The following MTSS1 variants were observed in gnomAD, a reference collection of about 807,000 sequenced individuals.
MTSS1 encodes the protein MTSS I-BAR domain containing 1, also known as protein MTSS 1.
MTSS1 carries 18 observed loss-of-function variants against 79.0 expected under a neutral mutation model. The ratio of observed to expected loss-of-function variants is 0.23; its 90% CI spans 0.16 to 0.34. The LOEUF (loss-of-function observed/expected upper bound fraction) is 0.34, where lower values mean the gene tolerates loss of function less well. Ranked by LOEUF, MTSS1 falls within the 10% of genes least tolerant of loss-of-function variation. The pLI, the probability that MTSS1 is intolerant of heterozygous loss-of-function variation, is 1.00. For synonymous variants in MTSS1, 341 were observed against 368.6 expected (o/e 0.93, Z 0.86); for missense variants, 815 against 986.2 (o/e 0.83, Z 2.33).
At chr8:124,677,510 C>T (rs1825501803) in intron 3 of MTSS1, among the ~76,000 whole-genome samples, 1 of 152,204 alleles carries the variant, frequency 6.6e-6, no homozygotes, top group South Asian at 2.1e-4. Flanking sequence ...GAAATTCATA[C>T]CATTTTTGCA....
chr8:124,637,330 G>C (rs1263206601), intron 3 of MTSS1, among the ~76,000 whole-genome samples: 2 of 152,238 alleles, frequency 1.3e-5, no homozygotes, highest in Non-Finnish European at 2.9e-5. Context: ...GGGAGACAGA[G>C]TCAGGGGAGT....
intron 3 of MTSS1, among the ~76,000 whole-genome samples, chr8:124,664,660 C>T (rs1822721482): frequency 6.6e-6 from 1 of 152,188 alleles, no homozygotes; most frequent in South Asian, 2.1e-4. Context: ...CAGGAGACCC[C>T]TCTACTCTAA....
intron 6 of MTSS1, 149 bp from the exon 7 acceptor site, chr8:124,568,685 G>GTTC: frequency 6.8e-7 from 1 of 1,479,472 alleles, no homozygotes. Context: ...AGGATTTAAG[G>GTTC]CAGCTGTTTT....
At chr8:124,608,438 C>T (rs1747042159) in intron 3 of MTSS1, among the ~76,000 whole-genome samples, 1 of 152,192 alleles carries the variant, frequency 6.6e-6, no homozygotes, top group Non-Finnish European at 1.5e-5. Context: ...CCAGCAATAT[C>T]ATGGCCTCGC....
rs2131740143 is a variant in MTSS1, at chr8:124,555,603, A to C, written c.1567+139T>G. 1.8e-6 allele frequency: 2 copies of C among 1,115,436 alleles called. 1 individual carries two copies. Among genetic ancestry groups the C allele is most frequent in the African/African-American group, 3.2e-5 (2 of 63,196 alleles). The allele number at this position is 1,115,436 out of a possible 1,614,324, so 69.1% of individuals were successfully genotyped here. A position where few individuals can be genotyped will look rare whatever the true frequency, so the allele number is the denominator to read the frequency against. On this transcript the variant is annotated intron_variant, in intron 13 of 13. Coordinates refer to ENST00000518547, the MANE Select transcript of MTSS1 (RefSeq NM_014751.6). ...CAACTACAGATGAGCTCCCCAAAGC[A>C]TTCCCAGATGACGAAAACAATCCTG...
chr8:124,563,639 C>T (rs1293454215), intron 9 of MTSS1, among the ~76,000 whole-genome samples: 1 of 152,218 alleles, frequency 6.6e-6, no homozygotes, highest in Non-Finnish European at 1.5e-5. Context: ...AATGTTTTTA[C>T]TCTGACCCCA....
At chr8:124,658,630 A>T (rs1027108466) in intron 3 of MTSS1, among the ~76,000 whole-genome samples, 1 of 152,184 alleles carries the variant, frequency 6.6e-6, no homozygotes, top group Non-Finnish European at 1.5e-5. Flanking sequence ...GAATGCAAAG[A>T]GGGAGCTAGG....
chr8:124,607,450 T>C lies in MTSS1; in HGVS notation c.209-16215A>G, dbSNP rs147968893. The stretch of plus-strand genomic sequence containing the variant: ...CCCAGATGGTTTCTGAATGAGTGTC[T>C]GGATGGTTTCTGATCTAAACAGAGT... On this transcript the variant is annotated intron_variant, in intron 3 of 13. Transcript: ENST00000518547. 1.2e-3 allele frequency among the ~76,000 whole-genome samples: 176 copies of C among 152,338 alleles called. 4 individuals carry two copies. In the East Asian group the frequency reaches 0.027, roughly 23 times the overall value.
intron 3 of MTSS1, among the ~76,000 whole-genome samples, chr8:124,661,913 A>T (rs563239089): frequency 6.6e-6 from 1 of 152,160 alleles, no homozygotes; most frequent in African/African-American, 2.4e-5. Flanking sequence ...TGCTCCATTC[A>T]TCTTCACGTC....
intron 3 of MTSS1, among the ~76,000 whole-genome samples, chr8:124,604,253 C>A (rs1213152359): frequency 2.0e-5 from 3 of 151,766 alleles, no homozygotes; most frequent in South Asian, 2.1e-4. Context: ...CAAAAAAAAA[C>A]CGTTTCAAGA....
intron 6 of MTSS1, among the ~76,000 whole-genome samples, chr8:124,574,864 ATTCATTCTAAGATAT>A (rs1345824346): frequency 2.6e-5 from 4 of 152,136 alleles, no homozygotes; most frequent in African/African-American, 9.7e-5. Context: ...ACTCACACAA[ATTCATTCTAAGATAT>A]TTCATTCTAA....
intron 3 of MTSS1, among the ~76,000 whole-genome samples, chr8:124,651,691 T>C (rs1040849843): frequency 5.3e-5 from 8 of 152,284 alleles, no homozygotes; most frequent in East Asian, 3.9e-4. Flanking sequence ...GTACCAGCCA[T>C]GGAGAAAAAG....
intron 4 of MTSS1, 91 bp from the exon 5 acceptor site, chr8:124,589,802 C>A: frequency 1.1e-6 from 1 of 901,170 alleles, no homozygotes; most frequent in Non-Finnish European, 1.8e-6. Flanking sequence ...ATACCTAAAT[C>A]ACAATTACCC....
chr8:124,658,849 G>C (rs1199498664), intron 3 of MTSS1, among the ~76,000 whole-genome samples: 1 of 152,148 alleles, frequency 6.6e-6, no homozygotes, highest in Non-Finnish European at 1.5e-5. Context: ...TTTGGGCAGG[G>C]ACACAGATCC....
intron 11 of MTSS1, 86 bp downstream of exon 11, chr8:124,557,595 G>T: frequency 7.7e-7 from 1 of 1,296,512 alleles, no homozygotes; most frequent in Non-Finnish European, 1.1e-6. Flanking sequence ...GGGGATGAGG[G>T]GATAGTCGGG....
chr8:124,559,918 T>A (rs898675618), intron 10 of MTSS1, among the ~76,000 whole-genome samples: 1 of 152,192 alleles, frequency 6.6e-6, no homozygotes, highest in Non-Finnish European at 1.5e-5. Context: ...GTATTCACCA[T>A]CAAGGAGGCC....
intron 3 of MTSS1, among the ~76,000 whole-genome samples, chr8:124,639,837 G>A (rs573608751): frequency 3.4e-4 from 51 of 152,220 alleles, no homozygotes; most frequent in East Asian, 3.9e-4. Context: ...CTAACCTTTC[G>A]TTCAATTTCT....
chr8:124,727,976 G>T lies in MTSS1; in HGVS notation c.-21C>A. On this transcript the variant is annotated 5_prime_UTR_variant, in exon 1 of 14. Coordinates refer to ENST00000518547, the MANE Select transcript of MTSS1 (RefSeq NM_014751.6). The surrounding 1 kb of genome is among the most constrained non-coding windows in gnomAD (Gnocchi z 4.7). The stretch of plus-strand genomic sequence containing the variant: ...TCCATTTTCCCGGCTCCGGCAGGGC[G>T]AGGGCACACACGCGGGGCCGCTGGA... 1 of 1,606,136 alleles carries T rather than the reference G, an allele frequency of 6.2e-7. No homozygotes were observed. Among genetic ancestry groups the T allele is most frequent in the Non-Finnish European group, 8.5e-7 (1 of 1,176,496 alleles).
intron 10 of MTSS1, 112 bp from the exon 11 acceptor site, chr8:124,557,987 A>G (rs1358538631): frequency 3.6e-6 from 3 of 828,056 alleles, no homozygotes; most frequent in Non-Finnish European, 5.5e-6. Flanking sequence ...CTGAATATTT[A>G]TAAATAAAAC....
Sources: gnomAD v4.1 joint callset for allele counts (sites outside exome capture counted in the v4.1 genomes callset) on GRCh38, gnomAD v4.1.1 for gene constraint, Gnocchi (gnomAD v3.1) non-coding constraint, MANE v1.5 for transcripts, NCBI Gene and HGNC (gene_info 2026-07-23, HGNC 2026-07-21) for gene names.